ALK: variants seen among roughly 807,000 people sequenced by gnomAD.
The protein encoded by ALK is ALK receptor tyrosine kinase, also known as ALK tyrosine kinase receptor.
In ALK, 74 loss-of-function variants were observed where a neutral mutation model predicts 163.1. That is an observed-to-expected ratio of 0.45 (90% CI 0.38 to 0.55). The LOEUF is 0.55. Ranked by LOEUF, ALK falls within the 20% of genes least tolerant of loss-of-function variation. The pLI is 0.00. For synonymous variants in ALK, 960 were observed against 843.2 expected (o/e 1.14, Z -2.40); for missense variants, 2,063 against 2,105.3 (o/e 0.98, Z 0.39).
intron 3 of ALK, among the ~76,000 whole-genome samples, chr2:29,609,766 C>T (rs979444466): frequency 7.9e-5 from 12 of 152,128 alleles, no homozygotes; most frequent in African/African-American, 2.9e-4. Flanking sequence ...ACCTCAGCCT[C>T]CTGAGTAGCT....
chr2:29,566,857 TA>T (rs960981085), intron 3 of ALK, among the ~76,000 whole-genome samples: 3 of 151,850 alleles, frequency 2.0e-5, no homozygotes, highest in African/African-American at 7.3e-5. Flanking sequence ...ATCTACATAA[TA>T]AATAAAGCCA....
At chr2:29,865,546 T>TTC (rs1666412173) in intron 1 of ALK, among the ~76,000 whole-genome samples, 4 of 152,286 alleles carry the variant, frequency 2.6e-5, no homozygotes, top group African/African-American at 9.6e-5. Flanking sequence ...CACATTCTCC[T>TTC]TCTCTCTCTC....
intron 1 of ALK, among the ~76,000 whole-genome samples, chr2:29,914,320 A>G (rs1406517840): frequency 2.0e-5 from 3 of 152,310 alleles, no homozygotes; most frequent in Admixed American, 2.0e-4. Context: ...GTAAGAAGCT[A>G]GTTGAATGGA....
rs531899449 is a variant in ALK at position 29,769,347 on chromosome 2, T to C, written c.668-51650A>G. ...TTCATTTCTAGGCTGACTTTCACTT[T>C]TTTCTGTGTCTTTTTTCATGACAAA... On this transcript the variant is annotated intron_variant, in intron 1 of 28. Transcript: ENST00000389048. Among the ~76,000 whole-genome samples the C allele has an allele frequency of 7.9e-5, 12 of 152,292 alleles. No homozygotes were observed. The East Asian group carries it at 2.1e-3, about 27-fold the overall frequency.
intron 28 of ALK, among the ~76,000 whole-genome samples, chr2:29,194,127 T>C (rs990548779): frequency 3.3e-5 from 5 of 152,038 alleles, no homozygotes; most frequent in Non-Finnish European, 7.3e-5. Flanking sequence ...GGATAAGCGC[T>C]ATAATGGAAG....
intron 3 of ALK, among the ~76,000 whole-genome samples, chr2:29,671,776 A>G (rs1353498772): frequency 6.6e-6 from 1 of 152,048 alleles, no homozygotes; most frequent in East Asian, 1.9e-4. Flanking sequence ...TGAAAATCTC[A>G]GTGCTTTGGT....
intron 5 of ALK, among the ~76,000 whole-genome samples, chr2:29,338,921 T>C (rs988313964): frequency 1.3e-5 from 2 of 152,212 alleles, no homozygotes; most frequent in Non-Finnish European, 2.9e-5. Context: ...TTCTACAATG[T>C]GCCCAGCACT....
At chr2:29,719,969 A>T (rs938647958) in intron 1 of ALK, among the ~76,000 whole-genome samples, 2 of 152,214 alleles carry the variant, frequency 1.3e-5, no homozygotes, top group Non-Finnish European at 2.9e-5. Flanking sequence ...GTCATTGGCT[A>T]ATCTCAAATT....
chr2:29,597,123 C>T (rs375077405), intron 3 of ALK, among the ~76,000 whole-genome samples: 22 of 152,244 alleles, frequency 1.4e-4, no homozygotes, highest in Middle Eastern at 3.4e-3. Context: ...CAAAGGCAAC[C>T]GCATTCTTTA....
intron 1 of ALK, among the ~76,000 whole-genome samples, chr2:29,830,994 G>C (rs1665373012): frequency 1.9e-5 from 1 of 53,514 alleles, no homozygotes; most frequent in African/African-American, 5.6e-5. Flanking sequence ...AGAAGAAGAA[G>C]AAGAAGAAGA....
chr2:29,239,765 A>G lies in ALK; in HGVS notation c.2270T>C (p.Val757Ala), dbSNP rs781098925. The G allele has an allele frequency of 6.2e-7, 1 of 1,614,024 alleles. No homozygotes were observed. Among genetic ancestry groups the G allele is most frequent in the Non-Finnish European group, 8.5e-7 (1 of 1,180,018 alleles). Residue 757 changes from valine (V) to alanine (A), a missense_variant, in exon 13 of 29, where the codon GTG (valine) becomes GCG (alanine). Physicochemically the swap from Val to Ala is moderately conservative, Grantham distance 64. This residue lies in a region of ALK where 575 missense variants were observed against 626.6 expected (regional missense o/e 0.92). Transcript: ENST00000389048. The stretch of plus-strand genomic sequence containing the variant: ...CAGGTTGAAGATGCCCAGCACAGAC[A>G]CGCCGTGGGACCGCATCATGGTGTT... The part of the protein sequence containing the change: ...GKNTMMRSHG[V>A]SVLGIFNLEK...
At chr2:29,756,201 G>A (rs982839327) in intron 1 of ALK, among the ~76,000 whole-genome samples, 3 of 152,176 alleles carry the variant, frequency 2.0e-5, no homozygotes, top group Admixed American at 2.0e-4. Context: ...CTTTTCACTT[G>A]GCTAAATTGG....
At chr2:29,529,448 T>C (rs1239590821) in intron 4 of ALK, among the ~76,000 whole-genome samples, 1 of 152,192 alleles carries the variant, frequency 6.6e-6, no homozygotes, top group African/African-American at 2.4e-5. Flanking sequence ...TCTCTGACAT[T>C]AAACAGAGCA....
chr2:29,276,935 T>C (rs1345135094), intron 9 of ALK, among the ~76,000 whole-genome samples: 2 of 152,098 alleles, frequency 1.3e-5, no homozygotes, highest in African/African-American at 4.8e-5. Context: ...TATAAATCTG[T>C]TGGAAGTCAC....
chr2:29,535,772 T>C (rs1460899666), intron 3 of ALK, among the ~76,000 whole-genome samples: 4 of 152,160 alleles, frequency 2.6e-5, no homozygotes, highest in Admixed American at 6.5e-5. Context: ...AGCCCCAAAC[T>C]GTCAGTAATT....
rs201888247 is a variant in ALK at position 29,332,361 on chromosome 2, AG to A, written c.1283-3881del. Among the ~76,000 whole-genome samples, 947 of 144,606 alleles carry A rather than the reference AG, an allele frequency of 6.5e-3. 12 individuals are homozygous for A. The highest frequency in any genetic ancestry group is 0.021 in the African/African-American group (853 of 39,794). 94.9% of individuals were successfully genotyped at this position (144,606 alleles called of 152,430 possible). ...CTCCCTCAACCTCCTGAACAAATCT[AG>A]GCTATGTCTGTTTCATCCACACCTT... On this transcript the variant is annotated intron_variant, in intron 5 of 28. Transcript: ENST00000389048.
In ALK at chr2:29,265,972, C is replaced by T. The variant is rs138341241; in HGVS notation, c.2041+9127G>A. On this transcript the variant is annotated intron_variant, in intron 11 of 28. Coordinates refer to ENST00000389048, the MANE Select transcript of ALK (RefSeq NM_004304.5). ...TGCACTCCAGCCTGGGTGACAAGAG[C>T]GAAACTCCATCTCAAAAAACAAAAC... Among the ~76,000 whole-genome samples, 1,099 of 152,084 alleles carry T rather than the reference C, an allele frequency of 7.2e-3. 21 individuals are homozygous for T. Among genetic ancestry groups the T allele is most frequent in the African/African-American group, 0.025 (1,022 of 41,480 alleles).
chr2:29,405,530 G>A (rs578129188), intron 4 of ALK, among the ~76,000 whole-genome samples: 16 of 152,240 alleles, frequency 1.1e-4, no homozygotes, highest in South Asian at 2.1e-4. Flanking sequence ...GAGTTCCTAC[G>A]GCACCATCAA....
chr2:29,904,601 T>C (rs755762792), intron 1 of ALK, among the ~76,000 whole-genome samples: 20 of 152,128 alleles, frequency 1.3e-4, no homozygotes, highest in Non-Finnish European at 2.2e-4. Context: ...CTTCTTAAAA[T>C]TTACCTCATT....
Sources: allele counts gnomAD v4.1 joint callset (sites outside exome capture counted in the v4.1 genomes callset), GRCh38; gene constraint gnomAD v4.1.1; regional missense constraint gnomAD v4.1.1; transcripts MANE v1.5; gene names NCBI Gene and HGNC (gene_info 2026-07-23, HGNC 2026-07-21).